Variants in GABRB1 observed in about 807,000 individuals in gnomAD.
The protein encoded by GABRB1 is gamma-aminobutyric acid type A receptor subunit beta1, also known as gamma-aminobutyric acid receptor subunit beta-1.
Under a neutral mutation model 51.6 loss-of-function variants are expected in GABRB1, and 17 were observed. The ratio of observed to expected loss-of-function variants is 0.33; its 90% confidence interval spans 0.23 to 0.49. GABRB1 has a LOEUF of 0.49. Ranked by LOEUF, GABRB1 falls within the 20% of genes least tolerant of loss-of-function variation. GABRB1 has a pLI of 0.99. For missense variants in GABRB1, 410 were observed against 600.6 expected (o/e 0.68, Z 3.32); for synonymous variants, 247 against 218.9 (o/e 1.13, Z -1.14).
chr4:47,159,824 T>TC (rs1717858978), intron 3 of GABRB1, among the ~76,000 whole-genome samples: 1 of 152,042 alleles, frequency 6.6e-6, no homozygotes, highest in African/African-American at 2.4e-5. Flanking sequence ...TCATTCTTTT[T>TC]CCCCACTGGT....
At chr4:47,263,998 C>T (rs764228209) in intron 4 of GABRB1, among the ~76,000 whole-genome samples, 2 of 151,626 alleles carry the variant, frequency 1.3e-5, no homozygotes, top group South Asian at 2.1e-4. Context: ...AAAAATCAGC[C>T]AGGTGTAGTG....
intron 5 of GABRB1, among the ~76,000 whole-genome samples, chr4:47,388,829 T>C (rs565407368): frequency 1.7e-4 from 26 of 152,058 alleles, no homozygotes; most frequent in Non-Finnish European, 3.2e-4. Context: ...AAAGGGAGCA[T>C]GAAAAGTGTT....
At chr4:47,150,216 C>T (rs1046711068) in intron 3 of GABRB1, among the ~76,000 whole-genome samples, 8 of 110,900 alleles carry the variant, frequency 7.2e-5, no homozygotes, top group South Asian at 6.3e-4. Context: ...CACACACACA[C>T]GCACACAGTT....
intron 4 of GABRB1, among the ~76,000 whole-genome samples, chr4:47,173,367 T>C (rs1272617718): frequency 1.3e-5 from 2 of 152,182 alleles, no homozygotes; most frequent in African/African-American, 4.8e-5. Context: ...AACTAAAGTA[T>C]GGACAACACT....
intron 4 of GABRB1, among the ~76,000 whole-genome samples, chr4:47,191,954 G>A (rs1658785652): frequency 6.6e-6 from 1 of 151,994 alleles, no homozygotes; most frequent in South Asian, 2.1e-4. Flanking sequence ...TCACAAATGG[G>A]AAAATCACAA....
intron 3 of GABRB1, among the ~76,000 whole-genome samples, chr4:47,101,308 A>G (rs1227818911): frequency 2.0e-5 from 3 of 152,064 alleles, no homozygotes; most frequent in Non-Finnish European, 4.4e-5. Context: ...GCAAGAATTG[A>G]ATGTGTCAGA....
At chr4:47,293,299 G>GTA (rs1229547591) in intron 4 of GABRB1, among the ~76,000 whole-genome samples, 86 of 152,190 alleles carry the variant, frequency 5.7e-4, no homozygotes, top group African/African-American at 2.0e-3. Flanking sequence ...GTGCCATAAT[G>GTA]CTTGGCTAAT....
chr4:47,313,107 G>C (rs990502745), intron 4 of GABRB1, among the ~76,000 whole-genome samples: 6 of 152,102 alleles, frequency 3.9e-5, no homozygotes, highest in African/African-American at 1.4e-4. Flanking sequence ...CCATTATAGT[G>C]TTCTGACCTA....
chr4:47,377,246 T>G (rs1356306097), intron 5 of GABRB1, among the ~76,000 whole-genome samples: 1 of 152,110 alleles, frequency 6.6e-6, no homozygotes, highest in African/African-American at 2.4e-5. Context: ...TGGGTTCAAG[T>G]GATTCTCCTG....
intron 4 of GABRB1, among the ~76,000 whole-genome samples, chr4:47,204,351 T>G (rs1297501056): frequency 6.6e-6 from 1 of 152,154 alleles, no homozygotes; most frequent in East Asian, 1.9e-4. Flanking sequence ...TTTTAACATA[T>G]GCAGGGCCAC....
chr4:47,138,379 A>G (rs1405922590), intron 3 of GABRB1, among the ~76,000 whole-genome samples: 2 of 152,054 alleles, frequency 1.3e-5, no homozygotes, highest in Non-Finnish European at 2.9e-5. Context: ...CCTTGTTTTA[A>G]GATAATCACC....
chr4:47,019,888 A>ATATATGTCTATG (rs1724875075), intron 1 of GABRB1, among the ~76,000 whole-genome samples: 1 of 139,684 alleles, frequency 7.2e-6, no homozygotes, highest in Non-Finnish European at 1.5e-5. Context: ...TATATATATA[A>ATATATGTCTATG]TATATGTATA....
intron 3 of GABRB1, among the ~76,000 whole-genome samples, chr4:47,137,159 G>A (rs1039860569): frequency 5.3e-5 from 8 of 152,136 alleles, no homozygotes; most frequent in African/African-American, 1.9e-4. Context: ...CCTCTAGGAA[G>A]TTGAGGGAAG....
At chr4:47,114,373 T>C (rs1243358106) in intron 3 of GABRB1, among the ~76,000 whole-genome samples, 2 of 152,168 alleles carry the variant, frequency 1.3e-5, no homozygotes, top group African/African-American at 4.8e-5. Flanking sequence ...AGAAGGCTTT[T>C]TTCTCTCTGG....
chr4:47,348,377 T>A (rs962270853), intron 5 of GABRB1, among the ~76,000 whole-genome samples: 4 of 152,222 alleles, frequency 2.6e-5, no homozygotes, highest in Non-Finnish European at 5.9e-5. Flanking sequence ...TTGCCCACAT[T>A]GGTGGCTAAG....
intron 1 of GABRB1, among the ~76,000 whole-genome samples, chr4:47,019,621 C>CTT (rs1257207043): frequency 3.2e-5 from 2 of 61,980 alleles, no homozygotes; most frequent in African/African-American, 6.9e-5. Flanking sequence ...TTCTTTCTTT[C>CTT]TCTCTCTTTC....
intron 5 of GABRB1, among the ~76,000 whole-genome samples, chr4:47,401,817 TATCTAGCTATCTATCTATCTATC>T (rs149282308): frequency 0.27 from 23,187 of 84,498 alleles, 2,062 homozygotes; most frequent in African/African-American, 0.42. Context: ...TCTATCTATC[TATCTAGCTATCTATCTATCTATC>T]ATCTATCTAT....
chr4:47,409,883 A>C (rs898004929), intron 8 of GABRB1, among the ~76,000 whole-genome samples: 14 of 152,240 alleles, frequency 9.2e-5, no homozygotes, highest in Admixed American at 9.2e-4. Flanking sequence ...ATAAAGATTG[A>C]ATAAAGGCAG....
At position 47,031,775 on chromosome 4, in the gene GABRB1, T is replaced by TC. The variant is rs758413999; in HGVS notation, c.80+44_80+45insC. The TC allele has an allele frequency of 1.7e-4, 273 of 1,562,772 alleles. No homozygotes were observed. The African/African-American group carries it at 3.4e-3, about 20-fold the overall frequency. On this transcript the variant is annotated intron_variant, in intron 1 of 8. Coordinates refer to ENST00000295454, the MANE Select transcript of GABRB1 (RefSeq NM_000812.4). ...ATCTCGCTCTCTCTCTCTCTCTCTCTTTTTTTCTTGGTATGTTTCTTTTTA... is the reference window on the plus strand; with the variant it reads ...ATCTCGCTCTCTCTCTCTCTCTCTCTCTTTTTTCTTGGTATGTTTCTTTTTA...
Sources: gnomAD v4.1 joint callset for allele counts (sites outside exome capture counted in the v4.1 genomes callset) on GRCh38, gnomAD v4.1.1 for gene constraint, MANE v1.5 for transcripts, NCBI Gene and HGNC (gene_info 2026-07-23, HGNC 2026-07-21) for gene names.